DYDC2: variants seen among roughly 807,000 people sequenced by gnomAD.
DYDC2 encodes DPY30 domain-containing protein 2.
Under a neutral mutation model 18.7 loss-of-function variants are expected in DYDC2, and 19 were observed. That is an observed-to-expected ratio of 1.02 (90% CI 0.71 to 1.49). The LOEUF is 1.49. Ranked by LOEUF, DYDC2 falls within the 40% of genes most tolerant of loss-of-function variation. The probability of loss-of-function intolerance (pLI) is 0.00; values close to 1 mark genes in which losing one functional copy is unlikely to be tolerated. For synonymous variants in DYDC2, 63 were observed against 67.6 expected (o/e 0.93, Z 0.34); for missense variants, 179 against 205.1 (o/e 0.87, Z 0.78).
At chr10:80,366,235 G>A (rs973148508) in intron 4 of DYDC2, among the ~76,000 whole-genome samples, 1 of 152,076 alleles carries the variant, frequency 6.6e-6, no homozygotes, top group Middle Eastern at 3.4e-3. Flanking sequence ...GTTTCAGCAT[G>A]TTGGCCAGGC....
chr10:80,356,741 G>A (rs962420304), upstream of DYDC2: 2 of 985,376 alleles, frequency 2.0e-6, no homozygotes, highest in African/African-American at 1.7e-5. Flanking sequence ...CGCCACCCAG[G>A]AGCGGCGTCC....
chr10:80,359,339 C>G (rs907041287), intron 2 of DYDC2, among the ~76,000 whole-genome samples: 5 of 152,172 alleles, frequency 3.3e-5, no homozygotes, highest in African/African-American at 1.2e-4. Context: ...AAACCTTGAG[C>G]TAGACACAGA....
rs1843486343 is a variant in DYDC2 at position 80,357,920 on chromosome 10, T to C, written c.-135T>C. The C allele has an allele frequency of 1.0e-6, 1 of 985,102 alleles. No homozygotes were observed. Among genetic ancestry groups the C allele is most frequent in the South Asian group, 4.7e-5 (1 of 21,290 alleles). 61.0% of individuals were successfully genotyped at this position (985,102 alleles called of 1,614,324 possible). ...CTCCCAGTGTGCCAAGCGTGGGCGG[T>C]ATACAGTAAACAAAGACAACCCCTA... On this transcript the variant is annotated 5_prime_UTR_variant, in exon 2 of 5. Transcript: ENST00000256039.
intron 1 of DYDC2, among the ~76,000 whole-genome samples, chr10:80,350,968 A>G (rs1286161020): frequency 6.6e-6 from 1 of 152,224 alleles, no homozygotes; most frequent in African/African-American, 2.4e-5. Flanking sequence ...TCACTCAGAC[A>G]TCTGGGCCCA....
chr10:80,366,661 T>A lies in DYDC2; in HGVS notation c.271-27T>A, dbSNP rs369313389. 9 of 1,573,900 alleles carry A rather than the reference T, an allele frequency of 5.7e-6. No homozygotes were observed. The East Asian group carries it at 1.6e-4, about 28-fold the overall frequency. On this transcript the variant is annotated intron_variant, in intron 4 of 4. Transcript: ENST00000256039. ...GTGTGCTTTAGTCTCTAATAATAAG[T>A]TTTCGGCTTTTTTGTTTTCTATTTA...
intron 4 of DYDC2, 141 bp downstream of exon 4, chr10:80,363,214 C>T (rs1843715722): frequency 7.4e-6 from 5 of 671,318 alleles, no homozygotes; most frequent in Middle Eastern, 2.8e-4. Flanking sequence ...CAAGTATTCA[C>T]ATATTTGCAT....
At chr10:80,345,686 T>G (rs1842572397) in intron 1 of DYDC2, among the ~76,000 whole-genome samples, 1 of 152,184 alleles carries the variant, frequency 6.6e-6, no homozygotes, top group African/African-American at 2.4e-5. Context: ...CATGTGGTAT[T>G]TTTCTTTTGA....
Position 80,358,056 on chromosome 10 carries a change from C to T in DYDC2, c.-10+11C>T. ...CCTCTCCCCCCATTGGTGAGTGTACCCTAAGTTGGTCTGAGTGGGCTTTAA... is the reference window on the plus strand; with the variant it reads ...CCTCTCCCCCCATTGGTGAGTGTACTCTAAGTTGGTCTGAGTGGGCTTTAA... On this transcript the variant is annotated intron_variant, in intron 2 of 4. Coordinates refer to ENST00000256039, the MANE Select transcript of DYDC2 (RefSeq NM_032372.6). 8.1e-6 allele frequency: 8 copies of T among 985,486 alleles called. No homozygotes were observed. Among genetic ancestry groups the T allele is most frequent in the Non-Finnish European group, 9.6e-6 (8 of 830,050 alleles). The allele number at this position is 985,486 out of a possible 1,614,324, so 61.0% of individuals were successfully genotyped here.
Position 80,356,828 on chromosome 10 carries a change from G to A in DYDC2, c.-163+3G>A. 1.0e-6 allele frequency: 1 copy of A among 985,684 alleles called. No individual in the cohort carries two copies. The highest frequency in any genetic ancestry group is 1.2e-6 in the Non-Finnish European group (1 of 830,356). 61.1% of individuals were successfully genotyped at this position (985,684 alleles called of 1,614,324 possible). A position where few individuals can be genotyped will look rare whatever the true frequency, so the allele number is the denominator to read the frequency against. On this transcript the variant is annotated splice_donor_region_variant and intron_variant, in intron 1 of 4. Coordinates refer to ENST00000256039, the MANE Select transcript of DYDC2 (RefSeq NM_032372.6). ...AAGCGGAAGGGGCGCGCGGATAGGT[G>A]AGCAGAGGGCACGCGGTGGGCAGCG...
intron 1 of DYDC2, among the ~76,000 whole-genome samples, chr10:80,347,267 A>G (rs1290898515): frequency 1.2e-5 from 1 of 84,990 alleles, no homozygotes; most frequent in Non-Finnish European, 2.4e-5. Flanking sequence ...CCATTTTTTA[A>G]TTGGGATCCT....
chr10:80,357,960 C>T lies in DYDC2; in HGVS notation c.-95C>T. The T allele has an allele frequency of 2.0e-6, 2 of 985,052 alleles. No individual in the cohort carries two copies. The highest frequency in any genetic ancestry group is 2.4e-6 in the Non-Finnish European group (2 of 829,600). The allele number at this position is 985,052 out of a possible 1,614,324, so 61.0% of individuals were successfully genotyped here. A position where few individuals can be genotyped will look rare whatever the true frequency, so the allele number is the denominator to read the frequency against. Reference sequence around the variant, plus strand: ...GACAACCCCTATTCTTATCACCTTGCCTACTGAGTGCAAGTCCAGGAACTG... The same window carrying T: ...GACAACCCCTATTCTTATCACCTTGTCTACTGAGTGCAAGTCCAGGAACTG... On this transcript the variant is annotated 5_prime_UTR_variant, in exon 2 of 5. Coordinates refer to ENST00000256039, the MANE Select transcript of DYDC2 (RefSeq NM_032372.6).
chr10:80,355,961 A>G (rs888865942), upstream of DYDC2, among the ~76,000 whole-genome samples: 13 of 151,058 alleles, frequency 8.6e-5, no homozygotes, highest in African/African-American at 2.9e-4. Flanking sequence ...CTACACAGAC[A>G]TCTCAAAGTC....
At chr10:80,365,368 C>G (rs567700854) in intron 4 of DYDC2, among the ~76,000 whole-genome samples, 1 of 152,314 alleles carries the variant, frequency 6.6e-6, no homozygotes, top group South Asian at 2.1e-4. Context: ...GTATTGATGT[C>G]TCTTCATTAA....
chr10:80,360,872 A>T (rs1226236270), intron 2 of DYDC2, among the ~76,000 whole-genome samples: 2 of 149,436 alleles, frequency 1.3e-5, no homozygotes, highest in Non-Finnish European at 3.0e-5. Context: ...TGATCCTCCC[A>T]CCTCAGCCCT....
chr10:80,366,572 A>G, intron 4 of DYDC2, 116 bp from the exon 5 acceptor site: 2 of 1,258,178 alleles, frequency 1.6e-6, no homozygotes, highest in South Asian at 1.5e-5. Context: ...AAGCAGGGCT[A>G]TTTCAGTTTG....
intron 2 of DYDC2, 116 bp downstream of exon 2, chr10:80,358,161 T>A (rs1378864088): frequency 5.6e-6 from 4 of 709,678 alleles, no homozygotes; most frequent in Non-Finnish European, 5.2e-6. Flanking sequence ...GCGGATCACC[T>A]GAGGTGAGGA....
chr10:80,348,102 C>T (rs746968921), intron 1 of DYDC2, among the ~76,000 whole-genome samples: 1 of 152,100 alleles, frequency 6.6e-6, no homozygotes, highest in Non-Finnish European at 1.5e-5. Flanking sequence ...GATATCTTTC[C>T]ATTTATTTGT....
chr10:80,364,536 G>A (rs1185127679), intron 4 of DYDC2, among the ~76,000 whole-genome samples: 3 of 152,218 alleles, frequency 2.0e-5, no homozygotes, highest in South Asian at 2.1e-4. Flanking sequence ...AAAATTTCTC[G>A]GTTCACATCA....
At chr10:80,347,281 T>TAC (rs2132798923) in intron 1 of DYDC2, among the ~76,000 whole-genome samples, 1 of 15,116 alleles carries the variant, frequency 6.6e-5, no homozygotes, top group African/African-American at 6.2e-4. Context: ...GGATCCTTTT[T>TAC]TTTTTTTTTT....
Sources: gnomAD v4.1 joint callset for allele counts (sites outside exome capture counted in the v4.1 genomes callset) on GRCh38, gnomAD v4.1.1 for gene constraint, MANE v1.5 for transcripts, NCBI Gene and HGNC (gene_info 2026-07-23, HGNC 2026-07-21) for gene names.